Variants in GARIN5B observed in about 807,000 individuals in gnomAD.
GARIN5B encodes Golgi-associated RAB2 interactor protein 5B.
chr19:55,362,763 C>T, the GARIN5B span: 2 of 1,511,914 alleles, frequency 1.3e-6, no homozygotes, highest in Admixed American at 2.0e-5. Context: ...GGGCTGGGAC[C>T]ACTCCTTCCT....
the GARIN5B span, chr19:55,355,190 C>A: frequency 1.0e-5 from 1 of 100,440 alleles, no homozygotes; most frequent in African/African-American, 3.7e-5. Flanking sequence ...CCGCCCCCCC[C>A]ACCCTCCTCC....
chr19:55,359,955 C>T, the GARIN5B span: 23 of 1,549,056 alleles, frequency 1.5e-5, no homozygotes, highest in Admixed American at 2.0e-5. Context: ...TGGCCTGTGG[C>T]TTCATCAGAT....
chr19:55,355,443 AGCGTCCCCCAG>A, the GARIN5B span: 1 of 1,258,822 alleles, frequency 7.9e-7, no homozygotes, highest in Non-Finnish European at 1.1e-6. Flanking sequence ...GGCTTAGGAG[AGCGTCCCCCAG>A]GGCGGGTCTT....
chr19:55,360,071 A>C, the GARIN5B span: 1 of 1,267,522 alleles, frequency 7.9e-7, no homozygotes, highest in Non-Finnish European at 1.1e-6. Context: ...CCTCCCTCAG[A>C]CTCAGGAGTC....
the GARIN5B span, chr19:55,359,741 G>C: frequency 6.4e-7 from 1 of 1,551,442 alleles, no homozygotes; most frequent in Non-Finnish European, 8.7e-7. Flanking sequence ...GGGGATGGAA[G>C]AGTAGGGTGT....
At chr19:55,360,888 C>T in the GARIN5B span, 368 of 1,543,616 alleles carry the variant, frequency 2.4e-4, no homozygotes, top group African/African-American at 4.6e-3. Flanking sequence ...TCTGTCGGGG[C>T]GGGGGTCTGA....
At chr19:55,361,467 G>C in the GARIN5B span, 2 of 1,466,120 alleles carry the variant, frequency 1.4e-6, no homozygotes, top group South Asian at 2.9e-5. Flanking sequence ...GAGGGGCCCG[G>C]GCTTCCACAT....
chr19:55,355,074 G>C, the GARIN5B span: 1 of 369,888 alleles, frequency 2.7e-6, no homozygotes. Flanking sequence ...CCTACAGTCG[G>C]TGCGCACAGA....
At chr19:55,356,213 AAAAAAG>A in the GARIN5B span, among the ~76,000 whole-genome samples, 9 of 151,974 alleles carry the variant, frequency 5.9e-5, no homozygotes, top group Non-Finnish European at 1.3e-4. Context: ...CTCTAAAAAA[AAAAAAG>A]AAAAGAAAAG....
chr19:55,359,838 T>C, the GARIN5B span: 1 of 1,551,454 alleles, frequency 6.4e-7, no homozygotes. Flanking sequence ...AGGTCTTCCG[T>C]GTCCTGATGC....
chr19:55,358,530 ATGGCTGCTCCTTCATCTCG>A, the GARIN5B span: 20 of 32,676 alleles, frequency 6.1e-4, no homozygotes, highest in East Asian at 2.5e-3. Flanking sequence ...ATCTCGCCCC[ATGGCTGCTCCTTCATCTCG>A]CCCCATGGCC....
At chr19:55,358,067 A>AAT in the GARIN5B span, 1 of 1,327,118 alleles carries the variant, frequency 7.5e-7, no homozygotes, top group Non-Finnish European at 9.7e-7. Flanking sequence ...AAAAAAAAAA[A>AAT]GTGAAAGGAA....
the GARIN5B span, among the ~76,000 whole-genome samples, chr19:55,356,595 C>T: frequency 6.6e-6 from 1 of 152,038 alleles, no homozygotes. Flanking sequence ...TGTGAACCAC[C>T]AACTTTTTTT....
the GARIN5B span, chr19:55,361,035 C>T: frequency 6.4e-7 from 1 of 1,550,924 alleles, no homozygotes. Flanking sequence ...CGTCAGCATG[C>T]TCCAGCTGCG....
At chr19:55,359,498 G>A in the GARIN5B span, 2 of 1,548,680 alleles carry the variant, frequency 1.3e-6, no homozygotes, top group Non-Finnish European at 1.7e-6. Flanking sequence ...CTGGGATGGA[G>A]CAGGTACAGC....
the GARIN5B span, chr19:55,361,364 G>A: frequency 4.2e-5 from 65 of 1,537,882 alleles, no homozygotes; most frequent in Non-Finnish European, 5.5e-5. Flanking sequence ...CTGTCCCTGC[G>A]ACGGGGAGAA....
At chr19:55,360,005 T>TA in the GARIN5B span, 1 of 1,520,180 alleles carries the variant, frequency 6.6e-7, no homozygotes, top group African/African-American at 1.4e-5. Flanking sequence ...GGGGAGAGGA[T>TA]ACATGGTCAG....
the GARIN5B span, chr19:55,359,424 C>T: frequency 1.4e-4 from 210 of 1,550,074 alleles, no homozygotes; most frequent in African/African-American, 2.2e-3. Context: ...GCAGCTGAGG[C>T]CTTCCGGGAT....
At chr19:55,355,290 C>G in the GARIN5B span, 1 of 1,546,440 alleles carries the variant, frequency 6.5e-7, no homozygotes, top group Non-Finnish European at 8.7e-7. Context: ...TGGACAGTTT[C>G]CAACTGAGGT....
Sources: allele counts gnomAD v4.1 joint callset (sites outside exome capture counted in the v4.1 genomes callset), GRCh38; gene constraint gnomAD v4.1.1; transcripts MANE v1.5; gene names NCBI Gene and HGNC (gene_info 2026-07-23, HGNC 2026-07-21).